Variants in CIT observed in about 807,000 individuals in gnomAD.
CIT encodes the protein citron rho-interacting serine/threonine kinase.
In CIT, 79 loss-of-function variants were observed where a neutral mutation model predicts 272.7. The ratio of observed to expected loss-of-function variants is 0.29; its 90% CI spans 0.24 to 0.35. The LOEUF (loss-of-function observed/expected upper bound fraction) is 0.35. Among genes scored for constraint, CIT ranks in the 10% least tolerant of loss-of-function variants. The probability of loss-of-function intolerance (pLI) is 1.00; values close to 1 mark genes in which losing one functional copy is unlikely to be tolerated. For synonymous variants in CIT, 948 were observed against 995.6 expected, an observed-to-expected ratio of 0.95 and a Z score of 0.90; for missense variants, 1,909 against 2,618.3, an observed-to-expected ratio of 0.73 and a Z score of 5.91.
intron 32 of CIT, among the ~76,000 whole-genome samples, chr12:119,714,646 C>G (rs1957351481): frequency 6.6e-6 from 1 of 152,104 alleles, no homozygotes; most frequent in African/African-American, 2.4e-5. Flanking sequence ...CACTTCACAA[C>G]CACTAGGATG....
chr12:119,876,197 A>C lies in CIT; in HGVS notation c.-13-16T>G, dbSNP rs1339971730. On this transcript the variant is annotated splice_polypyrimidine_tract_variant and intron_variant, in intron 1 of 47. Transcript: ENST00000392521. ...CCCACTGGCGCTGAAAGGATATCAG[A>C]AAAGTCAAGTGTGTCCTATGTTTTG... The C allele has an allele frequency of 6.5e-7, 1 of 1,541,020 alleles. No homozygotes were observed. The highest frequency in any genetic ancestry group is 2.3e-5 in the East Asian group (1 of 44,314).
At position 119,752,243 on chromosome 12, in the gene CIT, C is replaced by T; in HGVS notation, c.2711G>A (p.Ser904Asn). 6.2e-7 allele frequency: 1 copy of T among 1,604,716 alleles called. No homozygotes were observed. Residue 904 changes from serine (S) to asparagine (N), a missense_variant, in exon 23 of 48, where the codon AGT becomes AAT. This residue lies in a region of CIT where 530 missense variants were observed against 822.4 expected (regional missense o/e 0.64). Coordinates refer to ENST00000392521, the MANE Select transcript of CIT (RefSeq NM_001206999.2). ...LELETRLREV[S>N]LEHEEQKLEL... ...CAGTTTCTGCTCCTCGTGCTCTAGACTGACCTGAGACAGAGAGAGAGAGAG... is the reference window on the plus strand; with the variant it reads ...CAGTTTCTGCTCCTCGTGCTCTAGATTGACCTGAGACAGAGAGAGAGAGAG...
chr12:119,820,002 A>G (rs1967548516), intron 9 of CIT, among the ~76,000 whole-genome samples: 1 of 152,154 alleles, frequency 6.6e-6, no homozygotes, highest in Non-Finnish European at 1.5e-5. Context: ...CACAATACCA[A>G]TCCTCGGTGG....
At chr12:119,699,927 G>C in intron 44 of CIT, 1 of 456,044 alleles carries the variant, frequency 2.2e-6, no homozygotes, top group South Asian at 1.5e-5. Context: ...GTATGTGTAT[G>C]TGTGTTTAGT....
intron 7 of CIT, among the ~76,000 whole-genome samples, chr12:119,825,955 C>A (rs566665015): frequency 1.1e-4 from 16 of 152,224 alleles, no homozygotes; most frequent in African/African-American, 3.9e-4. Context: ...GTGGTCCCAG[C>A]TACTCGGGAG....
At chr12:119,737,385 C>A (rs1171870071) in intron 24 of CIT, among the ~76,000 whole-genome samples, 1 of 139,828 alleles carries the variant, frequency 7.2e-6, no homozygotes, top group East Asian at 2.3e-4. Flanking sequence ...AAAGTCTACT[C>A]ACATGAAAAT....
At chr12:119,790,812 C>T (rs113178123) in intron 10 of CIT, among the ~76,000 whole-genome samples, 3 of 152,292 alleles carry the variant, frequency 2.0e-5, no homozygotes, top group African/African-American at 4.8e-5. Flanking sequence ...AATTATCCAG[C>T]CCAAAATGTC....
rs188730594 is a variant in CIT, at chr12:119,834,065, T to C, written c.659+21A>G. 2.2e-4 allele frequency: 352 copies of C among 1,589,550 alleles called. 2 individuals are homozygous for C. The highest frequency in any genetic ancestry group is 1.0e-3 in the Admixed American group (56 of 53,958). Reference sequence around the variant, plus strand: ...CACAGGAAAATCCTCAGCATAAAAATGCTACCAGAGTCTCACTTACCGATG... The same window carrying C: ...CACAGGAAAATCCTCAGCATAAAAACGCTACCAGAGTCTCACTTACCGATG... On this transcript the variant is annotated intron_variant, in intron 6 of 47. Coordinates refer to ENST00000392521, the MANE Select transcript of CIT (RefSeq NM_001206999.2).
chr12:119,733,091 T>G (rs554591146), intron 26 of CIT, among the ~76,000 whole-genome samples: 20 of 152,146 alleles, frequency 1.3e-4, no homozygotes, highest in African/African-American at 4.1e-4. Flanking sequence ...CAGCAACCCT[T>G]AGAACTATGG....
At chr12:119,714,041 T>C (rs555790593) in intron 33 of CIT, among the ~76,000 whole-genome samples, 156 bp downstream of exon 33, 2 of 152,124 alleles carry the variant, frequency 1.3e-5, no homozygotes, top group African/African-American at 4.8e-5. Flanking sequence ...AACTCACAGC[T>C]TCAACAGGGG....
intron 46 of CIT, among the ~76,000 whole-genome samples, chr12:119,696,514 G>A (rs972192293): frequency 6.6e-6 from 1 of 151,810 alleles, no homozygotes; most frequent in Admixed American, 6.6e-5. Flanking sequence ...CTGAAATTCT[G>A]GAAGTGCCCT....
chr12:119,869,091 C>T lies in CIT; in HGVS notation c.207G>A (p.Lys69=). Residue 69 remains lysine, a synonymous_variant, in exon 3 of 48, where the codon AAG becomes AAA. Transcript: ENST00000392521. ...GGACAAAGTTGCTCACGTGCTTAAT[C>T]TTCATCAGAGCAGGCTGACTGCATT... ...FEECSQPALM[K]IKHVSNFVRK... The T allele has an allele frequency of 6.2e-7, 1 of 1,612,282 alleles. No homozygotes were observed. The highest frequency in any genetic ancestry group is 1.1e-5 in the South Asian group (1 of 90,618).
Position 119,850,292 on chromosome 12 carries a change from C to T in CIT, c.415-17G>A. ...AAATGAAACCTAGGGAAAAAAGAAA[C>T]TGCTTAGACAATTATAAAGAACTGT... On this transcript the variant is annotated splice_polypyrimidine_tract_variant and intron_variant, in intron 4 of 47. Coordinates refer to ENST00000392521, the MANE Select transcript of CIT (RefSeq NM_001206999.2). The T allele has an allele frequency of 6.6e-7, 1 of 1,513,832 alleles. No individual in the cohort carries two copies. Among genetic ancestry groups the T allele is most frequent in the South Asian group, 1.1e-5 (1 of 88,762 alleles). The allele number at this position is 1,513,832 out of a possible 1,614,324, so 93.8% of individuals were successfully genotyped here. A position where few individuals can be genotyped will look rare whatever the true frequency, so the allele number is the denominator to read the frequency against.
At chr12:119,809,949 G>C (rs992230066) in intron 9 of CIT, among the ~76,000 whole-genome samples, 1 of 152,218 alleles carries the variant, frequency 6.6e-6, no homozygotes, top group African/African-American at 2.4e-5. Flanking sequence ...GGGCGACCAG[G>C]GAGGGCGTGG....
chr12:119,722,836 T>C (rs1465153032), intron 28 of CIT, among the ~76,000 whole-genome samples: 1 of 152,116 alleles, frequency 6.6e-6, no homozygotes. Context: ...AGGTGCTCCC[T>C]CTCATCCTCC....
chr12:119,871,688 TACAA>T (rs1950683487), intron 2 of CIT, among the ~76,000 whole-genome samples: 1 of 152,060 alleles, frequency 6.6e-6, no homozygotes, highest in Non-Finnish European at 1.5e-5. Context: ...ATCCCATCTC[TACAA>T]ACAAACAAAA....
At chr12:119,737,908 C>T (rs1290279088) in intron 24 of CIT, among the ~76,000 whole-genome samples, 1 of 152,148 alleles carries the variant, frequency 6.6e-6, no homozygotes, top group African/African-American at 2.4e-5. Context: ...GTTGGACACA[C>T]CCACACACAC....
chr12:119,776,963 GA>G (rs1963809608), intron 13 of CIT, 121 bp from the exon 14 acceptor site: 1 of 1,114,742 alleles, frequency 9.0e-7, no homozygotes, highest in South Asian at 1.3e-5. Context: ...GACTGGCAAA[GA>G]AAAGACCTGG....
intron 12 of CIT, chr12:119,783,109 T>C (rs1964451220): frequency 6.6e-6 from 1 of 152,574 alleles, no homozygotes; most frequent in South Asian, 2.1e-4. Flanking sequence ...TCCTGGCTTA[T>C]TTTTCCTGGA....
Sources: allele counts gnomAD v4.1 joint callset (sites outside exome capture counted in the v4.1 genomes callset), GRCh38; gene constraint gnomAD v4.1.1; regional missense constraint gnomAD v4.1.1; transcripts MANE v1.5; gene names NCBI Gene and HGNC (gene_info 2026-07-23, HGNC 2026-07-21).